Variants in CDIN1 observed in about 807,000 individuals in gnomAD.
CDIN1 encodes CDAN1-interacting nuclease 1.
CDIN1 carries 33 observed loss-of-function variants against 45.3 expected under a neutral mutation model. The observed-to-expected ratio is 0.73, with a 90% CI of 0.55 to 0.97. The LOEUF is 0.97. Ranked by LOEUF, CDIN1 falls within the 50% of genes least tolerant of loss-of-function variation. CDIN1 has a pLI of 0.00. For synonymous variants in CDIN1, 118 were observed against 124.4 expected, an observed-to-expected ratio of 0.95 and a Z score of 0.34; for missense variants, 303 against 339.4, an observed-to-expected ratio of 0.89 and a Z score of 0.84.
At chr15:36,702,642 C>CA (rs888641667) in intron 8 of CDIN1, among the ~76,000 whole-genome samples, 2 of 151,948 alleles carry the variant, frequency 1.3e-5, no homozygotes, top group Admixed American at 6.6e-5. Flanking sequence ...ATTATATACA[C>CA]AAAAAAGGAG....
At chr15:36,620,496 A>G (rs567083965) in intron 1 of CDIN1, among the ~76,000 whole-genome samples, 1 of 152,146 alleles carries the variant, frequency 6.6e-6, no homozygotes, top group South Asian at 2.1e-4. Flanking sequence ...CTTACTCCAT[A>G]TGTTATTCTC....
intron 3 of CDIN1, among the ~76,000 whole-genome samples, 163 bp from the exon 4 acceptor site, chr15:36,653,935 T>A (rs751056272): frequency 1.3e-5 from 2 of 152,204 alleles, no homozygotes; most frequent in East Asian, 3.9e-4. Context: ...GTTGTTTGTG[T>A]TATGTTTTTC....
chr15:36,804,674 C>CGTTTTTTTTTT (rs2055165937), intron 10 of CDIN1: 1 of 84,890 alleles, frequency 1.2e-5, no homozygotes, highest in African/African-American at 4.8e-5. Flanking sequence ...CAGAGAATCA[C>CGTTTTTTTTTT]TTTTTTTTTT....
At chr15:36,598,451 G>A (rs1274776103) in intron 1 of CDIN1, among the ~76,000 whole-genome samples, 1 of 152,132 alleles carries the variant, frequency 6.6e-6, no homozygotes, top group African/African-American at 2.4e-5. Context: ...ACATGATCAG[G>A]CCAACATGCA....
chr15:36,598,389 G>A (rs1249618774), intron 1 of CDIN1, among the ~76,000 whole-genome samples: 3 of 152,034 alleles, frequency 2.0e-5, no homozygotes, highest in African/African-American at 4.8e-5. Context: ...TTTTTGCTTA[G>A]TATTCTTTCC....
At chr15:36,719,856 T>C (rs1318723725) in intron 10 of CDIN1, among the ~76,000 whole-genome samples, 1 of 152,110 alleles carries the variant, frequency 6.6e-6, no homozygotes, top group Non-Finnish European at 1.5e-5. Context: ...TTTGGCACTT[T>C]GAGTCTGTCA....
chr15:36,686,484 C>G (rs1421651389), intron 5 of CDIN1, among the ~76,000 whole-genome samples: 2 of 149,064 alleles, frequency 1.3e-5, no homozygotes, highest in Non-Finnish European at 1.5e-5. Flanking sequence ...GGGTGCAGTG[C>G]ACCAGCATGG....
chr15:36,795,051 T>A (rs1255388335), intron 10 of CDIN1, among the ~76,000 whole-genome samples: 4 of 105,156 alleles, frequency 3.8e-5, no homozygotes, highest in African/African-American at 1.3e-4. Flanking sequence ...AAATATCACA[T>A]GTTTTCGTTC....
At chr15:36,756,656 G>T (rs2053616787) in intron 10 of CDIN1, among the ~76,000 whole-genome samples, 1 of 152,190 alleles carries the variant, frequency 6.6e-6, no homozygotes, top group Non-Finnish European at 1.5e-5. Context: ...AGCATTAATA[G>T]TGAGAGACCT....
chr15:36,676,114 T>TC (rs2041640356), intron 5 of CDIN1, among the ~76,000 whole-genome samples: 1 of 152,154 alleles, frequency 6.6e-6, no homozygotes, highest in Admixed American at 6.6e-5. Context: ...CTGTAATTAG[T>TC]CACATGGGTT....
intron 1 of CDIN1, among the ~76,000 whole-genome samples, chr15:36,602,537 TA>T (rs1253676560): frequency 6.6e-6 from 1 of 152,226 alleles, no homozygotes; most frequent in Non-Finnish European, 1.5e-5. Context: ...CCATGTGTTA[TA>T]ATTCAATAAC....
intron 1 of CDIN1, among the ~76,000 whole-genome samples, chr15:36,637,018 A>G (rs2039926462): frequency 6.6e-6 from 1 of 152,232 alleles, no homozygotes; most frequent in South Asian, 2.1e-4. Context: ...TTAAACCTGA[A>G]TATATCAGTA....
intron 10 of CDIN1, among the ~76,000 whole-genome samples, chr15:36,738,588 A>G (rs950851481): frequency 1.3e-5 from 2 of 152,124 alleles, no homozygotes; most frequent in Non-Finnish European, 2.9e-5. Flanking sequence ...AAACTTGTCA[A>G]GTACGTTGCT....
At chr15:36,629,878 A>C (rs948357051) in intron 1 of CDIN1, among the ~76,000 whole-genome samples, 3 of 152,190 alleles carry the variant, frequency 2.0e-5, no homozygotes, top group African/African-American at 7.2e-5. Flanking sequence ...AAGAATTGAA[A>C]TTGTGAGGTT....
chr15:36,746,669 C>CCACACACA (rs34320677), intron 10 of CDIN1, among the ~76,000 whole-genome samples: 11,460 of 141,408 alleles, frequency 0.081, 472 homozygotes, highest in Middle Eastern at 0.15. Flanking sequence ...ATATATGGTT[C>CCACACACA]CACACACACA....
chr15:36,765,068 T>TA (rs2053882346), intron 10 of CDIN1, among the ~76,000 whole-genome samples: 2 of 149,648 alleles, frequency 1.3e-5, no homozygotes, highest in African/African-American at 4.9e-5. Context: ...TTTCTTTTTT[T>TA]TTTTTTAGAT....
chr15:36,733,706 C>T lies in CDIN1; in HGVS notation c.716+23745C>T, dbSNP rs533765860. Among the ~76,000 whole-genome samples the T allele has an allele frequency of 2.0e-5, 3 of 152,190 alleles. No individual in the cohort carries two copies. In the South Asian group the frequency reaches 6.2e-4, roughly 32 times the overall value. The stretch of plus-strand genomic sequence containing the variant: ...TCAATCTATGAATCTTAGCAGTTTG[C>T]TCTTGTAACAACTATGAGGAAATGT... On this transcript the variant is annotated intron_variant, in intron 10 of 10. Coordinates refer to ENST00000566621, the MANE Select transcript of CDIN1 (RefSeq NM_001321759.2).
intron 1 of CDIN1, among the ~76,000 whole-genome samples, chr15:36,609,324 C>A (rs2038536605): frequency 6.6e-6 from 1 of 152,146 alleles, no homozygotes; most frequent in Non-Finnish European, 1.5e-5. Context: ...CCTATTATAT[C>A]TTGATCATAT....
At chr15:36,698,303 G>A (rs981571968) in intron 8 of CDIN1, among the ~76,000 whole-genome samples, 14 of 152,142 alleles carry the variant, frequency 9.2e-5, no homozygotes, top group African/African-American at 3.1e-4. Flanking sequence ...ATAAACTGTA[G>A]AATAAAATTG....
Sources: gnomAD v4.1 joint callset for allele counts (sites outside exome capture counted in the v4.1 genomes callset) on GRCh38, gnomAD v4.1.1 for gene constraint, MANE v1.5 for transcripts, NCBI Gene and HGNC (gene_info 2026-07-23, HGNC 2026-07-21) for gene names.